Variants in ACIN1 observed in about 807,000 individuals in gnomAD.
The protein encoded by ACIN1 is apoptotic chromatin condensation inducer 1.
Under a neutral mutation model 146.6 loss-of-function variants are expected in ACIN1, and 16 were observed. The ratio of observed to expected loss-of-function variants is 0.11; its 90% confidence interval spans 0.07 to 0.17. The LOEUF (loss-of-function observed/expected upper bound fraction) is 0.17. ACIN1 is among the 10% of genes least tolerant of loss of function. The probability of loss-of-function intolerance (pLI) is 1.00; values close to 1 mark genes in which losing one functional copy is unlikely to be tolerated. For synonymous variants in ACIN1, 569 were observed against 582.7 expected (o/e 0.98, Z 0.34); for missense variants, 1,357 against 1,609.3 (o/e 0.84, Z 2.68).
intron 1 of ACIN1, among the ~76,000 whole-genome samples, chr14:23,094,082 A>G (rs2048300544): frequency 7.0e-6 from 1 of 142,914 alleles, no homozygotes; most frequent in African/African-American, 2.5e-5. Flanking sequence ...GACCCTGTAA[A>G]CTGTGGTCTA....
In ACIN1 at chr14:23,061,367, G is replaced by C. The variant is rs2139992582; in HGVS notation, c.3355C>G (p.Arg1119Gly). The change falls in exon 17 of 19, where the codon CGA becomes GGA. Residue 1119 changes from arginine (R) to glycine (G), a missense_variant. By Grantham distance (125) the Arg-to-Gly change is moderately radical (BLOSUM62 -2). Around this residue, in one of 4 missense-constraint regions of ACIN1, gnomAD observed 509 missense variants for 719.6 expected, o/e 0.71. Coordinates refer to ENST00000605057, the MANE Select transcript of ACIN1 (RefSeq NM_001386863.1). ...RDKVREGPRS[R>G]SRSRDRRRKE... ...CGGCGGCGGTCACGGGACCTTGATC[G>C]GGAACGGGGCCCTTCTCGAACTTTG... is the stretch of plus-strand genomic sequence containing the variant. 6.2e-7 allele frequency: 1 copy of C among 1,614,062 alleles called. No homozygotes were observed. The highest frequency in any genetic ancestry group is 8.5e-7 in the Non-Finnish European group (1 of 1,180,012).
rs2047180873 is a variant in ACIN1, at chr14:23,058,997, AGGAT to A, written c.*147_*150del. The A allele has an allele frequency of 2.8e-6, 2 of 703,088 alleles. No individual in the cohort carries two copies. The highest frequency in any genetic ancestry group is 2.7e-5 in the Admixed American group (1 of 36,390). 43.6% of individuals were successfully genotyped at this position (703,088 alleles called of 1,614,324 possible). A position where few individuals can be genotyped will look rare whatever the true frequency, so the allele number is the denominator to read the frequency against. On this transcript the variant is annotated 3_prime_UTR_variant, in exon 19 of 19. Coordinates refer to ENST00000605057, the MANE Select transcript of ACIN1 (RefSeq NM_001386863.1). ...TTAAGGGGGTGTGTTTGGGGGGAAA[AGGAT>A]GGCCACTTTTCCATTTGGTATGTAT...
intron 2 of ACIN1, 137 bp from the exon 3 acceptor site, chr14:23,090,770 CTAAG>C: frequency 3.3e-6 from 2 of 597,470 alleles, no homozygotes; most frequent in East Asian, 5.7e-5. Flanking sequence ...AGGCTTTTTT[CTAAG>C]TTAGTTCTAT....
intron 4 of ACIN1, among the ~76,000 whole-genome samples, chr14:23,084,804 A>C (rs1359927449): frequency 1.3e-5 from 2 of 152,208 alleles, no homozygotes; most frequent in East Asian, 3.8e-4. Flanking sequence ...TAGAATATAT[A>C]GTGAAAGGCC....
chr14:23,079,561 T>C lies in ACIN1; in HGVS notation c.1774A>G (p.Ser592Gly), dbSNP rs1341466644. 6 of 1,597,770 alleles carry C rather than the reference T, an allele frequency of 3.8e-6. No homozygotes were observed. Among genetic ancestry groups the C allele is most frequent in the Non-Finnish European group, 5.1e-6 (6 of 1,175,878 alleles). The change falls in exon 6 of 19, where the codon AGC (serine) becomes GGC (glycine). Residue 592 changes from serine to glycine, a missense_variant. By Grantham distance (56) the Ser-to-Gly change is moderately conservative. Around this residue, in one of 4 missense-constraint regions of ACIN1, gnomAD observed 771 missense variants for 746.6 expected, o/e 1.03. Transcript: ENST00000605057. ...CTCATACTCACTTTTCTGCTGTTGC[T>C]TGATGCTGAACGAGAACGTGAACGT... ...RSRSRSRSAS[S>G]NSRKSLSPGV...
chr14:23,074,060 G>A (rs1008163469), intron 8 of ACIN1, among the ~76,000 whole-genome samples: 1 of 151,548 alleles, frequency 6.6e-6, no homozygotes, highest in African/African-American at 2.4e-5. Context: ...GGATGGTCTC[G>A]ATCTTCTGAC....
intron 4 of ACIN1, among the ~76,000 whole-genome samples, chr14:23,083,949 T>TA (rs1293322691): frequency 6.6e-6 from 1 of 151,912 alleles, no homozygotes; most frequent in African/African-American, 2.4e-5. Flanking sequence ...TCTTCTCTCT[T>TA]ATTTTTTTTT....
rs1462419357 is a variant in ACIN1 at position 23,079,004 on chromosome 14, G to A, written c.1823C>T (p.Thr608Ile). ...LSPGVSRDSS[T>I]SYTETKDPSS... ...GGGATCTTTGGTTTCAGTATAGCTG[G>A]TGCTGCTGTCCCTGGAGACTCCAGG... is the stretch of plus-strand genomic sequence containing the variant. The change falls in exon 7 of 19, where the codon ACC becomes ATC. Residue 608 changes from threonine (T) to isoleucine (I), a missense_variant. Thr to Ile is a moderately conservative substitution (Grantham distance 89, BLOSUM62 -1). This residue lies in a region of ACIN1 where 771 missense variants were observed against 746.6 expected (regional missense o/e 1.03). Coordinates refer to ENST00000605057, the MANE Select transcript of ACIN1 (RefSeq NM_001386863.1). 2 of 1,614,054 alleles carry A rather than the reference G, an allele frequency of 1.2e-6. No homozygotes were observed. Among genetic ancestry groups the A allele is most frequent in the African/African-American group, 1.3e-5 (1 of 74,922 alleles).
intron 8 of ACIN1, among the ~76,000 whole-genome samples, chr14:23,076,703 C>T (rs1041889788): frequency 1.3e-5 from 2 of 152,086 alleles, no homozygotes; most frequent in African/African-American, 4.8e-5. Context: ...GCTGTCAATA[C>T]CCACTTCAAA....
intron 10 of ACIN1, among the ~76,000 whole-genome samples, chr14:23,065,005 G>A (rs945906742): frequency 8.5e-5 from 13 of 152,104 alleles, no homozygotes; most frequent in Admixed American, 2.0e-4. Context: ...TTGATGAGCC[G>A]TTTAAACTTT....
At chr14:23,061,702 G>A (rs946450622) in intron 16 of ACIN1, 80 bp from the exon 17 acceptor site, 39 of 1,293,344 alleles carry the variant, frequency 3.0e-5, no homozygotes, top group South Asian at 1.6e-4. Flanking sequence ...GGCCGGGCGC[G>A]GTGGCTCACG....
chr14:23,090,217 A>C, intron 3 of ACIN1, 116 bp from the exon 4 acceptor site: 2 of 1,386,652 alleles, frequency 1.4e-6, no homozygotes, highest in South Asian at 3.0e-5. Context: ...ACATACCAAA[A>C]AGAGCACCGT....
intron 1 of ACIN1, 121 bp downstream of exon 1, chr14:23,094,854 G>A: frequency 2.2e-6 from 3 of 1,370,518 alleles, no homozygotes; most frequent in Non-Finnish European, 2.9e-6. Flanking sequence ...GGATCCAGAG[G>A]CTCGCGCTGG....
At position 23,093,541 on chromosome 14, in the gene ACIN1, G is replaced by A; in HGVS notation, c.142C>T (p.Leu48=). 6.2e-7 allele frequency: 1 copy of A among 1,613,870 alleles called. No individual in the cohort carries two copies. Among genetic ancestry groups the A allele is most frequent in the Non-Finnish European group, 8.5e-7 (1 of 1,179,864 alleles). Residue 48 remains leucine (L), a synonymous_variant, in exon 2 of 19, where the codon CTA becomes TTA. Transcript: ENST00000605057. ...TGTTTCTGTAAATTTTCTAGCATTAGAGCCTGGTATAGAGAAGGGTAAAAG... is the reference window on the plus strand; with the variant it reads ...TGTTTCTGTAAATTTTCTAGCATTAAAGCCTGGTATAGAGAAGGGTAAAAG... ...SALVKRLKGA[L]MLENLQKHST...
At chr14:23,072,027 T>C (rs548238804) in intron 8 of ACIN1, among the ~76,000 whole-genome samples, 13 of 152,280 alleles carry the variant, frequency 8.5e-5, no homozygotes, top group African/African-American at 3.1e-4. Flanking sequence ...AATCTAGGCA[T>C]GGAACACTGA....
chr14:23,093,791 T>G (rs959145813), intron 1 of ACIN1, among the ~76,000 whole-genome samples: 1 of 152,246 alleles, frequency 6.6e-6, no homozygotes, highest in Non-Finnish European at 1.5e-5. Flanking sequence ...ACAGAATCAG[T>G]GACCTGGCTA....
intron 13 of ACIN1, 151 bp downstream of exon 13, chr14:23,063,285 C>T: frequency 8.3e-7 from 1 of 1,197,852 alleles, no homozygotes; most frequent in South Asian, 1.6e-5. Context: ...ATCTGGCCCT[C>T]AAGTAGCTTA....
Position 23,095,119 on chromosome 14 carries a change from T to C in ACIN1, c.-7A>G, listed in dbSNP as rs2048341649. 2.5e-6 allele frequency: 4 copies of C among 1,614,240 alleles called. No individual in the cohort carries two copies. In the East Asian group the frequency reaches 6.7e-5, roughly 27 times the overall value. On this transcript the variant is annotated 5_prime_UTR_variant, in exon 1 of 19. Transcript: ENST00000605057. ...CCTCCTCCAGCTCCGCCATCTTGCGTGAGGTACTCGGGTCCGTCCCGACGG... is the reference window on the plus strand; with the variant it reads ...CCTCCTCCAGCTCCGCCATCTTGCGCGAGGTACTCGGGTCCGTCCCGACGG...
intron 3 of ACIN1, 32 bp from the exon 4 acceptor site, chr14:23,090,133 G>T: frequency 6.2e-7 from 1 of 1,604,886 alleles, no homozygotes; most frequent in Middle Eastern, 1.7e-4. Context: ...GGGGCAGGGA[G>T]GGAGTGAAGG....
Sources: allele counts gnomAD v4.1 joint callset (sites outside exome capture counted in the v4.1 genomes callset), GRCh38; gene constraint gnomAD v4.1.1; regional missense constraint gnomAD v4.1.1; transcripts MANE v1.5; gene names NCBI Gene and HGNC (gene_info 2026-07-23, HGNC 2026-07-21).